The following PPP1R13B variants were observed in gnomAD, a reference collection of about 807,000 sequenced individuals.
PPP1R13B encodes the protein protein phosphatase 1 regulatory subunit 13B.
Under a neutral mutation model 119.8 loss-of-function variants are expected in PPP1R13B, and 44 were observed. The ratio of observed to expected loss-of-function variants is 0.37; its 90% CI spans 0.29 to 0.47. The LOEUF is 0.47. PPP1R13B is among the 20% of genes least tolerant of loss of function. The pLI is 0.99. For missense variants in PPP1R13B, 1,227 were observed against 1,413.5 expected (o/e 0.87, Z 2.12); for synonymous variants, 542 against 561.5 (o/e 0.97, Z 0.49).
At chr14:103,761,857 A>T (rs907973627) in intron 4 of PPP1R13B, among the ~76,000 whole-genome samples, 3 of 152,246 alleles carry the variant, frequency 2.0e-5, no homozygotes, top group African/African-American at 2.4e-5. Flanking sequence ...AAATATACAT[A>T]CTAATTTAGT....
intron 2 of PPP1R13B, among the ~76,000 whole-genome samples, chr14:103,793,352 T>TTTCTCATGATAGTGAGTGAG (rs2085675454): frequency 6.6e-6 from 1 of 152,062 alleles, no homozygotes; most frequent in Non-Finnish European, 1.5e-5. Context: ...ATGGAGGTGG[T>TTTCTCATGATAGTGAGTGAG]TTCTCATGAT....
chr14:103,752,612 G>A (rs2084577790), intron 7 of PPP1R13B, among the ~76,000 whole-genome samples: 1 of 142,562 alleles, frequency 7.0e-6, no homozygotes, highest in Non-Finnish European at 1.5e-5. Context: ...TTGGCTTACT[G>A]CAGCTTCTGC....
intron 1 of PPP1R13B, among the ~76,000 whole-genome samples, chr14:103,802,266 A>C (rs1379709581): frequency 6.6e-6 from 1 of 152,150 alleles, no homozygotes. Flanking sequence ...CCAAGATAGC[A>C]CCACTGCAGT....
intron 5 of PPP1R13B, among the ~76,000 whole-genome samples, chr14:103,754,872 C>T (rs1285618919): frequency 6.6e-6 from 1 of 152,000 alleles, no homozygotes. Context: ...CTCTGCCTCC[C>T]GGGTTCACAC....
chr14:103,847,518 G>GGCCGCCGCC lies in PPP1R13B; in HGVS notation c.-220_-212dup, dbSNP rs891656496. On this transcript the variant is annotated 5_prime_UTR_variant, in exon 1 of 17. Coordinates refer to ENST00000202556, the MANE Select transcript of PPP1R13B (RefSeq NM_015316.3). ...CGCTGCGTCGCTGTCCCGGGCACCC[G>GGCCGCCGCC]GCCGCCGCCGCCGCCGCCTCAACCT... 1.4e-5 allele frequency: 14 copies of GGCCGCCGCC among 984,472 alleles called. No homozygotes were observed. Among genetic ancestry groups the GGCCGCCGCC allele is most frequent in the East Asian group, 2.3e-4 (2 of 8,658 alleles). 61.0% of individuals were successfully genotyped at this position (984,472 alleles called of 1,614,324 possible). A position where few individuals can be genotyped will look rare whatever the true frequency, so the allele number is the denominator to read the frequency against.
At chr14:103,782,968 C>A (rs1186991471) in intron 3 of PPP1R13B, among the ~76,000 whole-genome samples, 2 of 151,992 alleles carry the variant, frequency 1.3e-5, no homozygotes, top group Non-Finnish European at 2.9e-5. Context: ...CCAAGCCTGG[C>A]TAATTTTTGT....
intron 8 of PPP1R13B, among the ~76,000 whole-genome samples, chr14:103,749,458 C>T (rs1229301016): frequency 6.6e-6 from 1 of 152,176 alleles, no homozygotes; most frequent in African/African-American, 2.4e-5. Flanking sequence ...CAAAGTGGCA[C>T]AGCTTAAAAT....
chr14:103,821,526 C>T (rs1022966313), intron 1 of PPP1R13B, among the ~76,000 whole-genome samples: 2 of 152,038 alleles, frequency 1.3e-5, no homozygotes, highest in South Asian at 2.1e-4. Flanking sequence ...CTGAGGTGGG[C>T]GGATCACCTG....
Position 103,735,186 on chromosome 14 carries a change from G to A in PPP1R13B, c.3241C>T (p.Arg1081Trp), listed in dbSNP as rs766257611. 4.3e-6 allele frequency: 7 copies of A among 1,614,094 alleles called. No homozygotes were observed. The highest frequency in any genetic ancestry group is 1.3e-5 in the African/African-American group (1 of 75,022). The change falls in exon 17 of 17, where the codon CGG becomes TGG. Residue 1081 changes from arginine to tryptophan, a missense_variant. By Grantham distance (101) the Arg-to-Trp change is moderately radical (BLOSUM62 -3). Coordinates refer to ENST00000202556, the MANE Select transcript of PPP1R13B (RefSeq NM_015316.3). ...AGTGTTCGCTGTCGGGGTTTGATCC[G>A]TGGATACAGCTGGGAAGCAACGGAG... Reference protein sequence around the residue: ...VPKNLLGLYPRIKPRQRTLA With the variant: ...VPKNLLGLYPWIKPRQRTLA
At chr14:103,829,984 G>A (rs2086632321) in intron 1 of PPP1R13B, among the ~76,000 whole-genome samples, 1 of 151,978 alleles carries the variant, frequency 6.6e-6, no homozygotes, top group Admixed American at 6.6e-5. Flanking sequence ...TCACCGTGTT[G>A]GCCAGGATGG....
chr14:103,775,287 T>A (rs1417545141), intron 4 of PPP1R13B, among the ~76,000 whole-genome samples: 1 of 151,784 alleles, frequency 6.6e-6, no homozygotes, highest in Non-Finnish European at 1.5e-5. Flanking sequence ...TATTTTTTTT[T>A]TTTTGGAGAC....
intron 1 of PPP1R13B, among the ~76,000 whole-genome samples, chr14:103,814,267 T>C (rs556336211): frequency 1.3e-5 from 2 of 152,236 alleles, no homozygotes; most frequent in South Asian, 2.1e-4. Context: ...GAGAATGCCA[T>C]GAACCTGGGA....
chr14:103,818,891 T>C (rs954370324), intron 1 of PPP1R13B, among the ~76,000 whole-genome samples: 1 of 152,126 alleles, frequency 6.6e-6, no homozygotes, highest in Admixed American at 6.5e-5. Flanking sequence ...TGGTACTATA[T>C]AGTATGGAAA....
chr14:103,819,523 A>AAAC (rs1174322789), intron 1 of PPP1R13B, among the ~76,000 whole-genome samples: 1 of 151,882 alleles, frequency 6.6e-6, no homozygotes, highest in African/African-American at 2.4e-5. Context: ...AAACAAAAAA[A>AAAC]AACAACAACA....
At chr14:103,769,696 T>C (rs2085020816) in intron 4 of PPP1R13B, among the ~76,000 whole-genome samples, 2 of 152,250 alleles carry the variant, frequency 1.3e-5, no homozygotes, top group Non-Finnish European at 2.9e-5. Context: ...TTCCTCTTTG[T>C]TCCTATCTCT....
intron 1 of PPP1R13B, among the ~76,000 whole-genome samples, chr14:103,815,242 G>A (rs1250313983): frequency 6.6e-6 from 1 of 152,190 alleles, no homozygotes; most frequent in Non-Finnish European, 1.5e-5. Flanking sequence ...AATCCACGGA[G>A]AGATAAAGTA....
rs2085786351 is a variant in PPP1R13B, at chr14:103,797,467, G to T, written c.61C>A (p.Pro21Thr). 6.2e-7 allele frequency: 1 copy of T among 1,613,662 alleles called. No homozygotes were observed. The highest frequency in any genetic ancestry group is 2.2e-5 in the East Asian group (1 of 44,876). Residue 21 changes from proline to threonine, a missense_variant, in exon 2 of 17, where the codon CCT becomes ACT. Transcript: ENST00000202556. ...CGACAGGTTGTTTCCGGTGTTATAGGAACTTCTGTTAAAATCTGTTCATTG... is the reference window on the plus strand; with the variant it reads ...CGACAGGTTGTTTCCGGTGTTATAGTAACTTCTGTTAAAATCTGTTCATTG... The part of the protein sequence containing the change: ...SNNEQILTEV[P>T]ITPETTCRDV...
At chr14:103,840,339 C>A (rs968496492) in intron 1 of PPP1R13B, among the ~76,000 whole-genome samples, 1 of 152,176 alleles carries the variant, frequency 6.6e-6, no homozygotes, top group East Asian at 1.9e-4. Flanking sequence ...AATACAATAA[C>A]CCAGTGATAT....
At chr14:103,752,692 G>A (rs956166497) in intron 7 of PPP1R13B, among the ~76,000 whole-genome samples, 2 of 151,910 alleles carry the variant, frequency 1.3e-5, no homozygotes, top group Admixed American at 6.6e-5. Context: ...GCGCCACCAC[G>A]CCCAGCTAAT....
Sources: gnomAD v4.1 joint callset for allele counts (sites outside exome capture counted in the v4.1 genomes callset) on GRCh38, gnomAD v4.1.1 for gene constraint, MANE v1.5 for transcripts, NCBI Gene and HGNC (gene_info 2026-07-23, HGNC 2026-07-21) for gene names.